Variants in CSMD1 observed in about 807,000 individuals in gnomAD.
CSMD1 encodes the protein CUB and sushi domain-containing protein 1.
A neutral mutation model predicts 417.5 loss-of-function variants in CSMD1; 213 were observed. That is an observed-to-expected ratio of 0.51 (90% CI 0.46 to 0.57). The LOEUF (loss-of-function observed/expected upper bound fraction) is 0.57. Among genes scored for constraint, CSMD1 ranks in the 20% least tolerant of loss-of-function variants. CSMD1 has a pLI of 0.00. For missense variants in CSMD1, 6,923 were observed against 4,529.7 expected (o/e 1.53, Z -15.17); for synonymous variants, 2,862 against 1,736.8 (o/e 1.65, Z -16.11).
chr8:4,827,935 C>T (rs535036157), intron 1 of CSMD1, among the ~76,000 whole-genome samples: 1 of 152,280 alleles, frequency 6.6e-6, no homozygotes, highest in African/African-American at 2.4e-5. Context: ...AATATTCATT[C>T]ATGAGTTTCA....
intron 3 of CSMD1, among the ~76,000 whole-genome samples, chr8:4,058,509 A>G (rs1798812013): frequency 6.6e-6 from 1 of 152,062 alleles, no homozygotes; most frequent in African/African-American, 2.4e-5. Flanking sequence ...CTCTTTTCCT[A>G]ACTGAATACC....
intron 1 of CSMD1, among the ~76,000 whole-genome samples, chr8:4,698,523 A>G (rs1167386000): frequency 6.6e-6 from 1 of 152,036 alleles, no homozygotes; most frequent in Non-Finnish European, 1.5e-5. Context: ...AAAGAAGTCC[A>G]CCTACAGGGA....
chr8:4,338,769 C>A (rs142986628), intron 3 of CSMD1, among the ~76,000 whole-genome samples: 3 of 151,988 alleles, frequency 2.0e-5, no homozygotes, highest in African/African-American at 7.2e-5. Context: ...TCTCCTTGAA[C>A]CCAAATGAAT....
At chr8:2,944,305 G>T (rs190907184) in intron 68 of CSMD1, among the ~76,000 whole-genome samples, 127 of 152,268 alleles carry the variant, frequency 8.3e-4, no homozygotes, top group Non-Finnish European at 8.8e-5. Flanking sequence ...TGGCTGAAGG[G>T]GTTCTAGAGC....
chr8:4,005,652 A>G (rs1188154982), intron 4 of CSMD1, among the ~76,000 whole-genome samples: 1 of 152,336 alleles, frequency 6.6e-6, no homozygotes, highest in Non-Finnish European at 1.5e-5. Flanking sequence ...TCTCCCATGG[A>G]TACTATATTT....
At chr8:4,067,952 C>G (rs867754711) in intron 3 of CSMD1, among the ~76,000 whole-genome samples, 1 of 152,120 alleles carries the variant, frequency 6.6e-6, no homozygotes, top group African/African-American at 2.4e-5. Flanking sequence ...TGGTGCGCTC[C>G]TGTAATCCCA....
chr8:3,953,733 C>T (rs369842878), intron 5 of CSMD1, among the ~76,000 whole-genome samples: 1 of 152,096 alleles, frequency 6.6e-6, no homozygotes, highest in Non-Finnish European at 1.5e-5. Flanking sequence ...AAGCTTCCCC[C>T]ACAGAGCCCC....
intron 23 of CSMD1, among the ~76,000 whole-genome samples, chr8:3,322,204 C>G (rs1306047433): frequency 6.6e-6 from 1 of 152,196 alleles, no homozygotes; most frequent in African/African-American, 2.4e-5. Context: ...TGGCCAGGAA[C>G]ATGAATAACA....
intron 3 of CSMD1, among the ~76,000 whole-genome samples, chr8:4,406,576 C>A (rs527765200): frequency 1.3e-5 from 2 of 152,190 alleles, no homozygotes; most frequent in Admixed American, 1.3e-4. Context: ...GGCATATGAG[C>A]TTCTGAGACA....
chr8:3,684,616 T>C lies in CSMD1; in HGVS notation c.1009+23798A>G, dbSNP rs1042346335. ...ACAGTCTTTTTTTTTTTTTTTTTTT[T>C]AGACGGAGTCTCGCTCTCTCGCCCA... On this transcript the variant is annotated intron_variant, in intron 7 of 69. Coordinates refer to ENST00000635120, the MANE Select transcript of CSMD1 (RefSeq NM_033225.6). Among the ~76,000 whole-genome samples the C allele has an allele frequency of 1.1e-4, 14 of 129,758 alleles. No individual in the cohort carries two copies. The South Asian group carries it at 3.1e-3, about 28-fold the overall frequency. 85.1% of individuals were successfully genotyped at this position (129,758 alleles called of 152,430 possible). A position where few individuals can be genotyped will look rare whatever the true frequency, so the allele number is the denominator to read the frequency against.
intron 5 of CSMD1, among the ~76,000 whole-genome samples, chr8:3,835,181 C>G (rs558938445): frequency 3.4e-5 from 5 of 148,862 alleles, no homozygotes; most frequent in South Asian, 2.1e-4. Context: ...GGATCTAGAA[C>G]TAGAAATACC....
At chr8:4,718,227 T>C (rs1808815151) in intron 1 of CSMD1, among the ~76,000 whole-genome samples, 1 of 152,198 alleles carries the variant, frequency 6.6e-6, no homozygotes, top group African/African-American at 2.4e-5. Context: ...TTCTCCTGTC[T>C]CAGCCTCCCA....
chr8:3,874,308 A>T (rs1446060671), intron 5 of CSMD1, among the ~76,000 whole-genome samples: 1 of 152,190 alleles, frequency 6.6e-6, no homozygotes, highest in Non-Finnish European at 1.5e-5. Context: ...TACTTTGGAA[A>T]TACAGGCTGC....
At chr8:3,009,388 G>C (rs1808210445) in intron 52 of CSMD1, among the ~76,000 whole-genome samples, 1 of 152,174 alleles carries the variant, frequency 6.6e-6, no homozygotes, top group South Asian at 2.1e-4. Flanking sequence ...GGGCCTGTAG[G>C]GGAATACAAT....
At chr8:4,767,005 T>C (rs948075304) in intron 1 of CSMD1, among the ~76,000 whole-genome samples, 3 of 152,238 alleles carry the variant, frequency 2.0e-5, no homozygotes, top group Non-Finnish European at 4.4e-5. Context: ...TCTTGTCTTC[T>C]TGGAAAAATG....
chr8:3,508,910 T>A (rs1397472466), intron 10 of CSMD1, among the ~76,000 whole-genome samples: 1 of 152,194 alleles, frequency 6.6e-6, no homozygotes, highest in East Asian at 1.9e-4. Flanking sequence ...CATGGACCCT[T>A]GCACATAAAT....
intron 4 of CSMD1, among the ~76,000 whole-genome samples, chr8:4,010,428 T>C (rs77205100): frequency 6.6e-6 from 1 of 152,146 alleles, no homozygotes; most frequent in African/African-American, 2.4e-5. Flanking sequence ...GTCATTTCAA[T>C]GTCAACACAG....
At chr8:3,204,134 G>T (rs181710007) in intron 31 of CSMD1, among the ~76,000 whole-genome samples, 2 of 152,174 alleles carry the variant, frequency 1.3e-5, no homozygotes, top group Admixed American at 1.3e-4. Context: ...GTTATTCCAC[G>T]CTGAAGCTTT....
At chr8:4,112,848 T>G (rs1229335091) in intron 3 of CSMD1, among the ~76,000 whole-genome samples, 2 of 152,206 alleles carry the variant, frequency 1.3e-5, no homozygotes, top group African/African-American at 4.8e-5. Flanking sequence ...ACTTTGCTGA[T>G]ATTGCGTTTT....
Sources: allele counts gnomAD v4.1 joint callset (sites outside exome capture counted in the v4.1 genomes callset), GRCh38; gene constraint gnomAD v4.1.1; transcripts MANE v1.5; gene names NCBI Gene and HGNC (gene_info 2026-07-23, HGNC 2026-07-21).